MACF1: variants seen among roughly 807,000 people sequenced by gnomAD.
MACF1 encodes the protein microtubule-actin cross-linking factor 1.
Under a neutral mutation model 854.8 loss-of-function variants are expected in MACF1, and 193 were observed. The observed-to-expected ratio is 0.23, with a 90% CI of 0.20 to 0.25. MACF1 has a LOEUF of 0.25. Among genes scored for constraint, MACF1 ranks in the 10% least tolerant of loss-of-function variants. The probability of loss-of-function intolerance (pLI) is 1.00; values close to 1 mark genes in which losing one functional copy is unlikely to be tolerated. For synonymous variants in MACF1, 3,185 were observed against 3,226.7 expected (o/e 0.99, Z 0.44); for missense variants, 7,722 against 8,929.1 (o/e 0.86, Z 5.45).
At chr1:39,240,074 G>C (rs1213310738) in intron 2 of MACF1, among the ~76,000 whole-genome samples, 1 of 151,934 alleles carries the variant, frequency 6.6e-6, no homozygotes, top group Non-Finnish European at 1.5e-5. Context: ...CTCTATTTCT[G>C]TTTGAGACTC....
At chr1:39,412,548 G>C in intron 58 of MACF1, 1 of 1,614,006 alleles carries the variant, frequency 6.2e-7, no homozygotes, top group Non-Finnish European at 8.5e-7. Context: ...CAGAGATTCT[G>C]AGTCTGCACC....
In MACF1 at chr1:39,358,733, G is replaced by A. The variant is rs750668799; in HGVS notation, c.11980G>A (p.Gly3994Ser). The A allele has an allele frequency of 1.2e-6, 2 of 1,614,130 alleles. No homozygotes were observed. Among genetic ancestry groups the A allele is most frequent in the East Asian group, 2.2e-5 (1 of 44,878 alleles). ...RLGSHLNMLL[G>S]QYHQFQNSAD... is the part of the protein sequence containing the mutation. ...AGGATCTCACCTGAATATGCTGTTA[G>A]GCCAGTATCATCAATTCCAAAACAG... The change falls in exon 46 of 101, where the codon GGC (glycine) becomes AGC (serine). Residue 3994 changes from glycine to serine, a missense_variant. Gly to Ser is a moderately conservative substitution (Grantham distance 56, BLOSUM62 0). This residue lies in a region of MACF1 where 2,807 missense variants were observed against 3,235.8 expected (regional missense o/e 0.87). Coordinates refer to ENST00000564288, the MANE Select transcript of MACF1 (RefSeq NM_001394062.1).
At chr1:39,390,250 G>T (rs1361155525) in intron 58 of MACF1, among the ~76,000 whole-genome samples, 1 of 152,196 alleles carries the variant, frequency 6.6e-6, no homozygotes, top group Non-Finnish European at 1.5e-5. Flanking sequence ...TGCCATTAAA[G>T]TAAAATTGTG....
At chr1:39,214,389 G>A (rs1299118089) in intron 1 of MACF1, among the ~76,000 whole-genome samples, 2 of 152,162 alleles carry the variant, frequency 1.3e-5, no homozygotes, top group African/African-American at 2.4e-5. Flanking sequence ...GCCAAGACTC[G>A]GAAAACAAGT....
chr1:39,456,327 C>G (rs1450012412), intron 89 of MACF1, among the ~76,000 whole-genome samples: 3 of 152,038 alleles, frequency 2.0e-5, no homozygotes, highest in Non-Finnish European at 4.4e-5. Context: ...GAGCAAGACT[C>G]CATTTCAAAA....
At position 39,185,775 on chromosome 1, in the gene MACF1, T is replaced by G. The variant is rs188257860; in HGVS notation, c.221-45407T>G. Among the ~76,000 whole-genome samples the G allele has an allele frequency of 3.9e-3, 599 of 152,284 alleles. 2 individuals carry two copies. The highest frequency in any genetic ancestry group is 6.1e-3 in the Non-Finnish European group (414 of 68,018). On this transcript the variant is annotated intron_variant, in intron 2 of 93. Transcript: ENST00000361689. ...CTTCTTAGAGAAGGGTGCTGGACTT[T>G]CCGGGGGCTTAGTTAGCAATATTCC... is the stretch of plus-strand genomic sequence containing the variant.
At chr1:39,142,705 C>G (rs968159931) in intron 2 of MACF1, among the ~76,000 whole-genome samples, 11 of 152,232 alleles carry the variant, frequency 7.2e-5, no homozygotes, top group African/African-American at 2.2e-4. Flanking sequence ...CATTAGCTAT[C>G]AGAGTGGAAC....
rs1019410317 is a variant in MACF1, at chr1:39,485,738, A to G, written c.22612A>G (p.Thr7538Ala). ...GCTAAACAAACCTTCCAAAATCCCAACCATGTCTAAGAAGACCACCACTGC... is the reference window on the plus strand; with the variant it reads ...GCTAAACAAACCTTCCAAAATCCCAGCCATGTCTAAGAAGACCACCACTGC... ...RGLNKPSKIP[T>A]MSKKTTTASP... The change falls in exon 101 of 101, where the codon ACC (threonine) becomes GCC (alanine). Residue 7538 changes from threonine (T) to alanine (A), a missense_variant. Thr to Ala is a moderately conservative substitution (Grantham distance 58). Coordinates refer to ENST00000564288, the MANE Select transcript of MACF1 (RefSeq NM_001394062.1). 35 of 1,613,570 alleles carry G rather than the reference A, an allele frequency of 2.2e-5. No individual in the cohort carries two copies. Among genetic ancestry groups the G allele is most frequent in the Non-Finnish European group, 2.7e-5 (32 of 1,179,728 alleles).
At chr1:39,323,713 A>G (rs1646556066) in intron 33 of MACF1, among the ~76,000 whole-genome samples, 1 of 152,068 alleles carries the variant, frequency 6.6e-6, no homozygotes, top group South Asian at 2.1e-4. Flanking sequence ...AAGTTTCTGC[A>G]TATTCAGCCT....
At chr1:39,172,875 G>C (rs2148223208) in intron 2 of MACF1, among the ~76,000 whole-genome samples, 1 of 152,338 alleles carries the variant, frequency 6.6e-6, no homozygotes, top group Non-Finnish European at 1.5e-5. Flanking sequence ...ATATACTTGG[G>C]TTAGTGCTGC....
chr1:39,266,326 C>T (rs1645230836), intron 6 of MACF1, among the ~76,000 whole-genome samples: 1 of 152,182 alleles, frequency 6.6e-6, no homozygotes, highest in Non-Finnish European at 1.5e-5. Flanking sequence ...GCCTAGAGAA[C>T]TTCATATTGT....
intron 2 of MACF1, among the ~76,000 whole-genome samples, chr1:39,120,485 C>A (rs1190713378): frequency 6.6e-6 from 1 of 152,062 alleles, no homozygotes; most frequent in African/African-American, 2.4e-5. Context: ...CTGCCTCAGC[C>A]TCCCGAGTAG....
chr1:39,159,041 C>T (rs1417118281), intron 2 of MACF1, among the ~76,000 whole-genome samples: 2 of 152,172 alleles, frequency 1.3e-5, no homozygotes, highest in East Asian at 3.8e-4. Context: ...GCTTCAGGCT[C>T]CCTACCCTTT....
intron 17 of MACF1, among the ~76,000 whole-genome samples, 179 bp downstream of exon 17, chr1:39,293,022 TG>T (rs1183048916): frequency 6.6e-6 from 1 of 152,236 alleles, no homozygotes; most frequent in Non-Finnish European, 1.5e-5. Flanking sequence ...ATTTTCTAAA[TG>T]GGTCAGAAAC....
chr1:39,425,944 C>T (rs750116353), intron 61 of MACF1, among the ~76,000 whole-genome samples: 1 of 152,074 alleles, frequency 6.6e-6, no homozygotes, highest in Non-Finnish European at 1.5e-5. Flanking sequence ...AGTTTCTGGG[C>T]CAATATTTTA....
chr1:39,188,536 C>G (rs996334716), intron 2 of MACF1, among the ~76,000 whole-genome samples: 3 of 152,230 alleles, frequency 2.0e-5, no homozygotes, highest in Non-Finnish European at 4.4e-5. Context: ...AGTCTCCCAT[C>G]TGGGGGCCAA....
At chr1:39,200,222 C>G (rs527638558), upstream of MACF1, among the ~76,000 whole-genome samples, 1 of 152,336 alleles carries the variant, frequency 6.6e-6, no homozygotes, top group Non-Finnish European at 1.5e-5. Context: ...TTTCACCTGG[C>G]TTCTGGGATA....
chr1:39,175,766 A>G (rs1276299103), intron 2 of MACF1, among the ~76,000 whole-genome samples: 1 of 151,346 alleles, frequency 6.6e-6, no homozygotes, highest in Non-Finnish European at 1.5e-5. Context: ...CAGCCTGGCC[A>G]ACGTGGTGAA....
chr1:39,178,801 C>G (rs1644066571), intron 2 of MACF1, among the ~76,000 whole-genome samples: 1 of 152,154 alleles, frequency 6.6e-6, no homozygotes, highest in South Asian at 2.1e-4. Flanking sequence ...GATTGGAAAG[C>G]CAAGAGATCA....
Sources: gnomAD v4.1 joint callset for allele counts (sites outside exome capture counted in the v4.1 genomes callset) on GRCh38, gnomAD v4.1.1 for gene constraint, gnomAD v4.1.1 regional missense constraint, MANE v1.5 for transcripts, NCBI Gene and HGNC (gene_info 2026-07-23, HGNC 2026-07-21) for gene names.